The following CACNA2D3 variants were observed in gnomAD, a reference collection of about 807,000 sequenced individuals.
CACNA2D3 encodes the protein calcium voltage-gated channel auxiliary subunit alpha2delta 3.
In CACNA2D3, 60 loss-of-function variants were observed where a neutral mutation model predicts 160.6. That is an observed-to-expected ratio of 0.37 (90% CI 0.30 to 0.46). The LOEUF (loss-of-function observed/expected upper bound fraction) is 0.46. CACNA2D3 is among the 20% of genes least tolerant of loss of function. The probability of loss-of-function intolerance (pLI) is 1.00; values close to 1 mark genes in which losing one functional copy is unlikely to be tolerated. For missense variants in CACNA2D3, 1,205 were observed against 1,365.0 expected, an observed-to-expected ratio of 0.88 and a Z score of 1.85; for synonymous variants, 558 against 492.9, an observed-to-expected ratio of 1.13 and a Z score of -1.75.
intron 30 of CACNA2D3, among the ~76,000 whole-genome samples, chr3:54,985,817 A>C (rs149234572): frequency 1.1e-3 from 162 of 152,172 alleles, no homozygotes; most frequent in African/African-American, 3.1e-3. Flanking sequence ...TTGTGCTTTC[A>C]TTTCCTGTCT....
At chr3:54,145,559 T>C (rs725992) in intron 2 of CACNA2D3, among the ~76,000 whole-genome samples, 12,902 of 152,302 alleles carry the variant, frequency 0.085, 722 homozygotes, top group Middle Eastern at 0.13. Flanking sequence ...AGGCTTGTTA[T>C]ATGCAGCAGA....
chr3:54,231,299 C>G (rs1052893702), intron 2 of CACNA2D3, among the ~76,000 whole-genome samples: 1 of 152,162 alleles, frequency 6.6e-6, no homozygotes, highest in Non-Finnish European at 1.5e-5. Context: ...GTTACAAAGC[C>G]TGCCTTCTGG....
chr3:54,143,931 T>C (rs1490161477), intron 2 of CACNA2D3, among the ~76,000 whole-genome samples: 1 of 152,254 alleles, frequency 6.6e-6, no homozygotes, highest in African/African-American at 2.4e-5. Flanking sequence ...TGGGAAGATA[T>C]TTTAAAGCAG....
Position 54,846,461 on chromosome 3 carries a change from G to A in CACNA2D3, c.1620G>A (p.Arg540=). The A allele has an allele frequency of 6.3e-7, 1 of 1,591,684 alleles. No individual in the cohort carries two copies. The highest frequency in any genetic ancestry group is 8.6e-7 in the Non-Finnish European group (1 of 1,165,694). The change falls in exon 17 of 38, where the codon AGG becomes AGA. Residue 540 remains arginine, a synonymous_variant. Transcript: ENST00000474759. ...ATATCCTGACGCATCCGGAACTCAG[G>A]CTGCTGGTAAGAGAAATTATGTACT... ...NGYILTHPEL[R]LLYEEGKKRR...
chr3:54,868,681 A>G (rs942603302), intron 17 of CACNA2D3, among the ~76,000 whole-genome samples: 1 of 152,080 alleles, frequency 6.6e-6, no homozygotes, highest in Non-Finnish European at 1.5e-5. Context: ...CTCCACACCA[A>G]GCAGAGACAT....
At chr3:54,127,103 T>G (rs75871761) in intron 2 of CACNA2D3, among the ~76,000 whole-genome samples, 10,798 of 152,152 alleles carry the variant, frequency 0.071, 594 homozygotes, top group African/African-American at 0.15. Context: ...AGGAGCTGGG[T>G]TTTTCATTCT....
At chr3:55,033,745 A>G (rs5008697) in intron 35 of CACNA2D3, among the ~76,000 whole-genome samples, 11,819 of 94,468 alleles carry the variant, frequency 0.13, 1,424 homozygotes, top group Admixed American at 0.19. Context: ...TATATAATAT[A>G]TATTATATTA....
chr3:54,887,905 C>A, intron 23 of CACNA2D3, 54 bp from the exon 24 acceptor site: 2 of 1,398,088 alleles, frequency 1.4e-6, no homozygotes, highest in South Asian at 1.2e-5. Context: ...GAGTGCCTCT[C>A]ATGCCCCTCT....
intron 11 of CACNA2D3, among the ~76,000 whole-genome samples, chr3:54,670,980 A>T (rs962865020): frequency 1.3e-5 from 2 of 152,184 alleles, no homozygotes; most frequent in African/African-American, 2.4e-5. Flanking sequence ...ATTATTATTA[A>T]TAATCTGGTG....
intron 11 of CACNA2D3, among the ~76,000 whole-genome samples, chr3:54,652,234 G>GT (rs1699781825): frequency 6.9e-6 from 1 of 145,500 alleles, no homozygotes; most frequent in African/African-American, 2.4e-5. Context: ...GTTGCTGGCA[G>GT]CGGAAAAAAA....
chr3:54,481,518 G>A (rs1700932131), intron 4 of CACNA2D3, among the ~76,000 whole-genome samples: 1 of 152,196 alleles, frequency 6.6e-6, no homozygotes, highest in Non-Finnish European at 1.5e-5. Context: ...AACAGTTGGA[G>A]CGTGTGAAAT....
chr3:54,340,564 C>T (rs1023983701), intron 3 of CACNA2D3, among the ~76,000 whole-genome samples: 11 of 152,208 alleles, frequency 7.2e-5, no homozygotes, highest in African/African-American at 2.4e-4. Flanking sequence ...CAGAAAGGTT[C>T]ATGGTGCTGT....
intron 9 of CACNA2D3, among the ~76,000 whole-genome samples, chr3:54,625,419 A>C (rs1185277937): frequency 6.6e-6 from 1 of 152,242 alleles, no homozygotes; most frequent in Non-Finnish European, 1.5e-5. Flanking sequence ...GTATTTGGAC[A>C]CAGTTCTCAG....
At chr3:54,194,790 G>C (rs527964072) in intron 2 of CACNA2D3, among the ~76,000 whole-genome samples, 53 of 152,186 alleles carry the variant, frequency 3.5e-4, no homozygotes, top group African/African-American at 9.4e-4. Context: ...CTTTTATAAG[G>C]GCTCTCATCC....
chr3:54,552,933 C>T (rs977058395), intron 5 of CACNA2D3, among the ~76,000 whole-genome samples: 78 of 152,316 alleles, frequency 5.1e-4, no homozygotes, highest in African/African-American at 1.8e-3. Flanking sequence ...GAATTCTAAT[C>T]ATTCACCAGG....
chr3:54,859,884 A>G (rs1219186406), intron 17 of CACNA2D3, among the ~76,000 whole-genome samples: 1 of 151,912 alleles, frequency 6.6e-6, no homozygotes, highest in South Asian at 2.1e-4. Context: ...ACCAAAGTCC[A>G]TAAGATCAAG....
chr3:55,053,914 T>C (rs1005749475), intron 35 of CACNA2D3, among the ~76,000 whole-genome samples: 3 of 151,990 alleles, frequency 2.0e-5, no homozygotes, highest in African/African-American at 7.2e-5. Flanking sequence ...TTAATGAAGT[T>C]ACTGATATTA....
chr3:54,721,864 T>C (rs555634908), intron 11 of CACNA2D3, among the ~76,000 whole-genome samples: 27 of 152,238 alleles, frequency 1.8e-4, no homozygotes, highest in Admixed American at 8.5e-4. Flanking sequence ...ATTTCAACCT[T>C]GGTGAATCTG....
rs371845849 is a variant in CACNA2D3, at chr3:54,954,075, G to T, written c.2450-14375G>T. ...TAGGCAAGAACTTTCCATGAATTCA[G>T]TGTCTCTCTGCCTATTCCCAGGGTT... On this transcript the variant is annotated intron_variant, in intron 27 of 37. Transcript: ENST00000474759. 3.9e-5 allele frequency among the ~76,000 whole-genome samples: 6 copies of T among 152,320 alleles called. No individual in the cohort carries two copies. The South Asian group carries it at 6.2e-4, about 16-fold the overall frequency.
Sources: allele counts gnomAD v4.1 joint callset (sites outside exome capture counted in the v4.1 genomes callset), GRCh38; gene constraint gnomAD v4.1.1; transcripts MANE v1.5; gene names NCBI Gene and HGNC (gene_info 2026-07-23, HGNC 2026-07-21).